Variants in SERPINB12 observed in about 807,000 individuals in gnomAD.
SERPINB12 encodes serpin B12.
Under a neutral mutation model 41.1 loss-of-function variants are expected in SERPINB12, and 57 were observed. The ratio of observed to expected loss-of-function variants is 1.39; its 90% confidence interval spans 1.12 to 1.73. The LOEUF (loss-of-function observed/expected upper bound fraction) is 1.73. Ranked by LOEUF, SERPINB12 falls within the 40% of genes most tolerant of loss-of-function variation. The pLI is 0.00. For synonymous variants in SERPINB12, 180 were observed against 181.3 expected (o/e 0.99, Z 0.06); for missense variants, 536 against 501.9 (o/e 1.07, Z -0.65).
upstream of SERPINB12, among the ~76,000 whole-genome samples, chr18:63,539,721 G>A (rs1024630982): frequency 2.0e-5 from 3 of 152,112 alleles, no homozygotes; most frequent in African/African-American, 7.2e-5. Context: ...CAAGCACACT[G>A]GGAGGTATGA....
chr18:63,549,505 T>G (rs1910470149), intron 1 of SERPINB12, among the ~76,000 whole-genome samples: 1 of 151,996 alleles, frequency 6.6e-6, no homozygotes, highest in Non-Finnish European at 1.5e-5. Context: ...ACATTGTGGA[T>G]AGTACATGGG....
chr18:63,539,446 A>G (rs1910232567), upstream of SERPINB12, among the ~76,000 whole-genome samples: 1 of 152,060 alleles, frequency 6.6e-6, no homozygotes, highest in Non-Finnish European at 1.5e-5. Flanking sequence ...TTTAATCCCT[A>G]TTTCTCCAGA....
At chr18:63,550,929 A>G (rs578188257) in intron 1 of SERPINB12, among the ~76,000 whole-genome samples, 1 of 152,260 alleles carries the variant, frequency 6.6e-6, no homozygotes, top group South Asian at 2.1e-4. Flanking sequence ...AAAACTGCAG[A>G]TTAGTTTTGC....
At chr18:63,563,434 T>G (rs537699643) in intron 5 of SERPINB12, among the ~76,000 whole-genome samples, 6 of 152,110 alleles carry the variant, frequency 3.9e-5, no homozygotes, top group Non-Finnish European at 5.9e-5. Flanking sequence ...TCAAAGGAGA[T>G]TCCTTCTGTT....
chr18:63,556,421 A>G, intron 2 of SERPINB12, 94 bp downstream of exon 2: 1 of 1,188,938 alleles, frequency 8.4e-7, no homozygotes, highest in Non-Finnish European at 1.2e-6. Context: ...CAAGGGGCTT[A>G]TTGCACCCTG....
chr18:63,549,437 T>G (rs1568125382), intron 1 of SERPINB12, among the ~76,000 whole-genome samples: 1 of 152,176 alleles, frequency 6.6e-6, no homozygotes, highest in Non-Finnish European at 1.5e-5. Context: ...TTTCTTTTTC[T>G]TCTGACTAAG....
intron 1 of SERPINB12, among the ~76,000 whole-genome samples, chr18:63,550,495 T>C (rs1910496920): frequency 6.6e-6 from 1 of 152,240 alleles, no homozygotes; most frequent in Non-Finnish European, 1.5e-5. Context: ...CTACAATACA[T>C]TTTAAAATTA....
the SERPINB12 span, among the ~76,000 whole-genome samples, chr18:63,532,192 C>CTA: frequency 6.6e-6 from 1 of 152,170 alleles, no homozygotes; most frequent in Non-Finnish European, 1.5e-5. Flanking sequence ...ATATAGGACA[C>CTA]AATCATACAT....
chr18:63,538,816 A>G (rs1910220650), upstream of SERPINB12, among the ~76,000 whole-genome samples: 1 of 152,212 alleles, frequency 6.6e-6, no homozygotes, highest in Admixed American at 6.6e-5. Context: ...CCAGCTATAT[A>G]TGATGGTTCC....
At position 63,565,013 on chromosome 18, in the gene SERPINB12, G is replaced by A. The variant is rs535830500; in HGVS notation, c.706-432G>A. Among the ~76,000 whole-genome samples the A allele has an allele frequency of 1.0e-3, 158 of 152,118 alleles. 1 individual carries two copies. The South Asian group carries it at 0.016, about 16-fold the overall frequency. On this transcript the variant is annotated intron_variant, in intron 6 of 7. Transcript: ENST00000382768. Reference sequence around the variant, plus strand: ...CTAGCCTGGGCAACACAGGGAGACCGTGTCTCTACAAAAAATAAAAAAAAT... The same window carrying A: ...CTAGCCTGGGCAACACAGGGAGACCATGTCTCTACAAAAAATAAAAAAAAT...
At chr18:63,528,034 G>A in the SERPINB12 span, among the ~76,000 whole-genome samples, 1 of 152,044 alleles carries the variant, frequency 6.6e-6, no homozygotes, top group Non-Finnish European at 1.5e-5. Context: ...GACGTGACTT[G>A]CTTCTTCTTG....
chr18:63,555,894 G>T (rs9320019), intron 1 of SERPINB12, among the ~76,000 whole-genome samples: 88,090 of 152,028 alleles, frequency 0.58, 27,657 homozygotes, highest in Middle Eastern at 0.72. Flanking sequence ...AAACCACTCA[G>T]TCTGTGGTAA....
At chr18:63,543,626 A>T (rs1224165291) in intron 1 of SERPINB12, among the ~76,000 whole-genome samples, 1 of 151,110 alleles carries the variant, frequency 6.6e-6, no homozygotes, top group Non-Finnish European at 1.5e-5. Context: ...ACAGAGTCTC[A>T]CTCTGTTGCC....
the SERPINB12 span, among the ~76,000 whole-genome samples, chr18:63,533,357 C>T: frequency 6.6e-6 from 1 of 152,204 alleles, no homozygotes; most frequent in East Asian, 1.9e-4. Context: ...CTATGATATT[C>T]AATCAGATCT....
rs61751994 is a variant in SERPINB12, at chr18:63,566,674, C to T, written c.941C>T (p.Ser314Leu). The T allele has an allele frequency of 0.033, 52,884 of 1,613,948 alleles. 2,408 individuals carry two copies. Among genetic ancestry groups the T allele is most frequent in the East Asian group, 0.26 (11,597 of 44,874 alleles). The change falls in exon 8 of 8, where the codon TCG becomes TTG. Residue 314 changes from serine (S) to leucine (L), a missense_variant. Coordinates refer to ENST00000382768, the MANE Select transcript of SERPINB12 (RefSeq NM_001307928.2). ...WSSSENMSEE[S>L]VVLSFPRFTL... is the part of the protein sequence containing the mutation. ...AGCTCAGAAAACATGTCAGAAGAATCGGTGGTCCTGTCCTTCCCCCGGTTC... is the reference window on the plus strand; with the variant it reads ...AGCTCAGAAAACATGTCAGAAGAATTGGTGGTCCTGTCCTTCCCCCGGTTC...
intron 1 of SERPINB12, among the ~76,000 whole-genome samples, chr18:63,551,964 G>T (rs1307396836): frequency 6.6e-6 from 1 of 152,200 alleles, no homozygotes; most frequent in Non-Finnish European, 1.5e-5. Context: ...AGGGAAGAAG[G>T]CTTTAATCAG....
At chr18:63,552,978 GT>G (rs201393028) in intron 1 of SERPINB12, among the ~76,000 whole-genome samples, 7 of 150,272 alleles carry the variant, frequency 4.7e-5, no homozygotes, top group African/African-American at 9.8e-5. Flanking sequence ...CTGTCCAGCT[GT>G]TTTTTTTTCG....
Position 63,559,674 on chromosome 18 carries a change from A to G in SERPINB12, c.400A>G (p.Ile134Val). 6.2e-7 allele frequency: 1 copy of G among 1,614,150 alleles called. No individual in the cohort carries two copies. Among genetic ancestry groups the G allele is most frequent in the Non-Finnish European group, 8.5e-7 (1 of 1,179,990 alleles). ...DRIKTDYTLS[I>V]ANRLYGEQEF... The stretch of plus-strand genomic sequence containing the variant: ...GATCAAGACTGATTACACACTGAGT[A>G]TTGCCAACAGGCTTTATGGAGAGCA... Residue 134 changes from isoleucine to valine, a missense_variant, in exon 4 of 8, where the codon ATT (isoleucine) becomes GTT (valine). Ile to Val is a conservative substitution (Grantham distance 29). Coordinates refer to ENST00000382768, the MANE Select transcript of SERPINB12 (RefSeq NM_001307928.2).
chr18:63,542,525 G>A (rs1910293676), intron 1 of SERPINB12, among the ~76,000 whole-genome samples, 33 bp downstream of exon 1: 1 of 152,206 alleles, frequency 6.6e-6, no homozygotes, highest in Non-Finnish European at 1.5e-5. Context: ...GCTATTGTTG[G>A]TAGAGATGCC....
Sources: gnomAD v4.1 joint callset for allele counts (sites outside exome capture counted in the v4.1 genomes callset) on GRCh38, gnomAD v4.1.1 for gene constraint, MANE v1.5 for transcripts, NCBI Gene and HGNC (gene_info 2026-07-23, HGNC 2026-07-21) for gene names.